NREP: variants seen among roughly 807,000 people sequenced by gnomAD.
NREP encodes neuronal regeneration-related protein.
NREP carries 5 observed loss-of-function variants against 8.6 expected under a neutral mutation model. The ratio of observed to expected loss-of-function variants is 0.58; its 90% CI spans 0.30 to 1.22. The LOEUF (loss-of-function observed/expected upper bound fraction) is 1.22, where lower values mean the gene tolerates loss of function less well. Among genes scored for constraint, NREP ranks in the 50% most tolerant of loss-of-function variants. The pLI is 0.07. For missense variants in NREP, 86 were observed against 82.5 expected (o/e 1.04, Z -0.17); for synonymous variants, 27 against 28.0 (o/e 0.96, Z 0.11).
intron 2 of NREP, among the ~76,000 whole-genome samples, chr5:111,939,661 C>T: frequency 6.6e-6 from 1 of 152,014 alleles, no homozygotes; most frequent in Non-Finnish European, 1.5e-5. Context: ...AAACAAGTGT[C>T]CTTTTCATGA....
intron 2 of NREP, among the ~76,000 whole-genome samples, chr5:111,902,338 T>A (rs665526): frequency 0.014 from 2,206 of 152,180 alleles, 61 homozygotes; most frequent in African/African-American, 0.05. Flanking sequence ...CAAATTTGAG[T>A]GAACATTCCA....
At chr5:111,842,020 G>T (rs1753042430) in intron 2 of NREP, among the ~76,000 whole-genome samples, 1 of 152,036 alleles carries the variant, frequency 6.6e-6, no homozygotes. Flanking sequence ...AAACATTGCT[G>T]TTGAGTGCTA....
intron 2 of NREP, among the ~76,000 whole-genome samples, chr5:111,887,129 G>T (rs1754280209): frequency 1.3e-5 from 2 of 151,964 alleles, no homozygotes; most frequent in Admixed American, 6.6e-5. Flanking sequence ...TCACTATATT[G>T]CCTAGGCTGG....
chr5:111,884,774 AT>A (rs1754192856), intron 2 of NREP, among the ~76,000 whole-genome samples: 2 of 152,134 alleles, frequency 1.3e-5, no homozygotes, highest in Admixed American at 1.3e-4. Context: ...AAATTCAACA[AT>A]GCTTCGTGCT....
chr5:111,907,209 A>C (rs575600597), intron 2 of NREP, among the ~76,000 whole-genome samples: 1 of 151,988 alleles, frequency 6.6e-6, no homozygotes, highest in African/African-American at 2.4e-5. Flanking sequence ...TCTGGCATCA[A>C]TTTTTTCTTA....
chr5:111,931,220 G>A (rs936014745), intron 2 of NREP, among the ~76,000 whole-genome samples: 21 of 152,010 alleles, frequency 1.4e-4, no homozygotes, highest in Non-Finnish European at 7.4e-5. Context: ...CCTACCTTGA[G>A]TATGATTTAG....
At chr5:111,888,366 A>G (rs1397235473) in intron 2 of NREP, among the ~76,000 whole-genome samples, 1 of 151,920 alleles carries the variant, frequency 6.6e-6, no homozygotes, top group Non-Finnish European at 1.5e-5. Context: ...GGAAACTTAC[A>G]ATCATGGTGG....
intron 2 of NREP, among the ~76,000 whole-genome samples, chr5:111,918,386 C>A (rs992968756): frequency 1.3e-5 from 2 of 152,162 alleles, no homozygotes; most frequent in African/African-American, 2.4e-5. Flanking sequence ...CAGAAAAGCA[C>A]CCGTATAGCC....
At chr5:111,824,839 G>A (rs1310918477) in intron 2 of NREP, among the ~76,000 whole-genome samples, 1 of 152,202 alleles carries the variant, frequency 6.6e-6, no homozygotes, top group Non-Finnish European at 1.5e-5. Flanking sequence ...GTGCATAGGT[G>A]TATAGTGTAT....
intron 2 of NREP, among the ~76,000 whole-genome samples, chr5:111,972,090 C>T (rs1053018803): frequency 3.3e-5 from 5 of 152,134 alleles, no homozygotes; most frequent in Non-Finnish European, 7.4e-5. Context: ...TGAATAGACA[C>T]TTCTCAAAAG....
intron 2 of NREP, chr5:111,739,316 A>G (rs974130568): frequency 1.3e-5 from 2 of 152,232 alleles, no homozygotes; most frequent in African/African-American, 4.8e-5. Flanking sequence ...AAGATGATAG[A>G]AGGGTGAGGG....
chr5:111,825,053 T>C (rs1041140348), intron 2 of NREP, among the ~76,000 whole-genome samples: 8 of 152,224 alleles, frequency 5.3e-5, no homozygotes, highest in African/African-American at 1.9e-4. Context: ...AGAACTGTGA[T>C]GTATTACAGC....
At chr5:111,880,500 C>T (rs1439970415) in intron 2 of NREP, among the ~76,000 whole-genome samples, 2 of 152,024 alleles carry the variant, frequency 1.3e-5, no homozygotes, top group Admixed American at 6.6e-5. Context: ...CTTGCATGGT[C>T]GTCCTTCTGT....
intron 2 of NREP, among the ~76,000 whole-genome samples, chr5:111,868,286 C>T (rs1241361996): frequency 2.6e-5 from 4 of 152,086 alleles, no homozygotes; most frequent in African/African-American, 7.2e-5. Context: ...CCCTTCTCAA[C>T]AAGGAAACAA....
At chr5:111,862,061 TTTA>T (rs1452344018) in intron 2 of NREP, among the ~76,000 whole-genome samples, 1 of 152,164 alleles carries the variant, frequency 6.6e-6, no homozygotes, top group East Asian at 1.9e-4. Context: ...ATCAATACGA[TTTA>T]TTAAGTCACA....
chr5:111,950,419 T>C (rs1383496695), intron 2 of NREP, among the ~76,000 whole-genome samples: 3 of 152,056 alleles, frequency 2.0e-5, no homozygotes, highest in Admixed American at 2.0e-4. Context: ...AAGACTTAAA[T>C]GTGAAACCCA....
intron 2 of NREP, among the ~76,000 whole-genome samples, chr5:111,950,699 GA>G (rs199589410): frequency 0.014 from 1,628 of 118,822 alleles, 29 homozygotes; most frequent in African/African-American, 0.04. Flanking sequence ...AAATTTACAA[GA>G]AAAAAAAAAA....
At chr5:111,911,593 G>A (rs1157481412) in intron 2 of NREP, among the ~76,000 whole-genome samples, 1 of 152,004 alleles carries the variant, frequency 6.6e-6, no homozygotes, top group Non-Finnish European at 1.5e-5. Flanking sequence ...CAAGAGCACA[G>A]ATGTCATAAA....
At chr5:111,905,258 G>A (rs563871645) in intron 2 of NREP, among the ~76,000 whole-genome samples, 9 of 152,068 alleles carry the variant, frequency 5.9e-5, no homozygotes, top group Non-Finnish European at 1.3e-4. Context: ...TAGATCACGT[G>A]GTAAGACTGT....
Sources: allele counts gnomAD v4.1 joint callset (sites outside exome capture counted in the v4.1 genomes callset), GRCh38; gene constraint gnomAD v4.1.1; transcripts MANE v1.5; gene names NCBI Gene and HGNC (gene_info 2026-07-23, HGNC 2026-07-21).